The following DENND1B variants were observed in gnomAD, a reference collection of about 807,000 sequenced individuals.
The protein encoded by DENND1B is DENN domain-containing protein 1B.
DENND1B carries 59 observed loss-of-function variants against 90.1 expected under a neutral mutation model. The ratio of observed to expected loss-of-function variants is 0.65; its 90% confidence interval spans 0.53 to 0.81. DENND1B has a LOEUF of 0.81. Among genes scored for constraint, DENND1B ranks in the 40% least tolerant of loss-of-function variants. The pLI is 0.00. For missense variants in DENND1B, 862 were observed against 912.6 expected (o/e 0.94, Z 0.71); for synonymous variants, 337 against 324.6 (o/e 1.04, Z -0.41).
At chr1:197,526,712 A>T (rs966827521) in intron 20 of DENND1B, among the ~76,000 whole-genome samples, 1 of 152,150 alleles carries the variant, frequency 6.6e-6, no homozygotes, top group African/African-American at 2.4e-5. Context: ...ATCTTCCATT[A>T]TATGTTATTA....
chr1:197,530,078 G>A (rs543158182), intron 20 of DENND1B, among the ~76,000 whole-genome samples: 4 of 152,132 alleles, frequency 2.6e-5, no homozygotes, highest in Non-Finnish European at 5.9e-5. Context: ...TCAACAAAAC[G>A]AGCAACAGCC....
intron 12 of DENND1B, among the ~76,000 whole-genome samples, chr1:197,607,599 T>C (rs1676804660): frequency 6.6e-6 from 1 of 150,864 alleles, no homozygotes; most frequent in Admixed American, 6.6e-5. Flanking sequence ...GACTACAGCA[T>C]TAAACTATAA....
rs112671056 is a variant in DENND1B, at chr1:197,587,605, G to T, written c.1048-4352C>A. Among the ~76,000 whole-genome samples the T allele has an allele frequency of 4.3e-3, 658 of 152,152 alleles. 5 individuals carry two copies. The highest frequency in any genetic ancestry group is 0.015 in the South Asian group (71 of 4,820). ...CTTATCTGTGAACTCTGGAGGTCGG[G>T]GACTAAATTCTTGATCATCTTTGCA... is the stretch of plus-strand genomic sequence containing the variant. On this transcript the variant is annotated intron_variant, in intron 14 of 22. Coordinates refer to ENST00000620048, the MANE Select transcript of DENND1B (RefSeq NM_001195215.2).
In DENND1B at chr1:197,590,932, T is replaced by C. The variant is rs573389363; in HGVS notation, c.1047+4276A>G. Among the ~76,000 whole-genome samples the C allele has an allele frequency of 2.0e-5, 3 of 152,322 alleles. No individual in the cohort carries two copies. In the East Asian group the frequency reaches 5.8e-4, roughly 29 times the overall value. On this transcript the variant is annotated intron_variant, in intron 14 of 22. Transcript: ENST00000620048. ...AACATCATAAAAGTGAACTGTCTAA[T>C]ATACAACACTAAGCACTGCATTCCC... is the stretch of plus-strand genomic sequence containing the variant.
chr1:197,658,333 T>C lies in DENND1B; in HGVS notation c.333A>G (p.Leu111=), dbSNP rs1003236252. ...TAGCCAAGTAATCTGCAAGAGTATT[T>C]AGAAGCTTGTAATACACTTCAAACC... The part of the protein sequence containing the change: ...LPWFEVYYKL[L]NTLADYLAKE... The change falls in exon 6 of 23, where the codon CTA becomes CTG. Residue 111 remains leucine (L), a synonymous_variant. Coordinates refer to ENST00000620048, the MANE Select transcript of DENND1B (RefSeq NM_001195215.2). 6.2e-7 allele frequency: 1 copy of C among 1,610,582 alleles called. No individual in the cohort carries two copies. Among genetic ancestry groups the C allele is most frequent in the Non-Finnish European group, 8.5e-7 (1 of 1,177,916 alleles).
At chr1:197,580,669 A>T (rs960596727) in intron 15 of DENND1B, among the ~76,000 whole-genome samples, 1 of 152,078 alleles carries the variant, frequency 6.6e-6, no homozygotes, top group African/African-American at 2.4e-5. Context: ...TCTTAACAGC[A>T]TTTTTCCCTT....
intron 3 of DENND1B, among the ~76,000 whole-genome samples, chr1:197,697,957 C>G (rs531189136): frequency 2.0e-4 from 31 of 152,152 alleles, no homozygotes; most frequent in Non-Finnish European, 3.8e-4. Context: ...TAGACTCCCA[C>G]ACAATAATAG....
At chr1:197,774,243 T>C (rs1445470182) in intron 1 of DENND1B, among the ~76,000 whole-genome samples, 2 of 152,228 alleles carry the variant, frequency 1.3e-5, no homozygotes, top group Non-Finnish European at 2.9e-5. Context: ...CTTTAGAATT[T>C]CTCTTAGGTG....
chr1:197,546,348 G>T (rs1290595592), intron 17 of DENND1B, among the ~76,000 whole-genome samples: 1 of 152,082 alleles, frequency 6.6e-6, no homozygotes, highest in Non-Finnish European at 1.5e-5. Context: ...GGCAAATAAA[G>T]TCTCAGTCTG....
chr1:197,563,517 C>T (rs1389165055), intron 15 of DENND1B, among the ~76,000 whole-genome samples: 1 of 151,920 alleles, frequency 6.6e-6, no homozygotes, highest in Non-Finnish European at 1.5e-5. Flanking sequence ...TTGAGATCTG[C>T]TGCTCAGAAA....
rs142867014 is a variant in DENND1B at position 197,569,929 on chromosome 1, C to T, written c.1149+13223G>A. On this transcript the variant is annotated intron_variant, in intron 15 of 22. Transcript: ENST00000620048. ...GATTGCTAGGAGAGTAGATTTTAAA[C>T]GTTCTCGCCACAAAAAATGTTAATT... Among the ~76,000 whole-genome samples, 43 of 152,108 alleles carry T rather than the reference C, an allele frequency of 2.8e-4. 1 individual carries two copies. Among genetic ancestry groups the T allele is most frequent in the African/African-American group, 6.7e-4 (28 of 41,506 alleles).
At chr1:197,685,292 T>C (rs533284384) in intron 3 of DENND1B, among the ~76,000 whole-genome samples, 216 of 152,226 alleles carry the variant, frequency 1.4e-3, no homozygotes, top group South Asian at 5.0e-3. Context: ...AAGCTCAGGA[T>C]TGGGAATCTG....
At chr1:197,631,837 G>T (rs1452912133) in intron 10 of DENND1B, among the ~76,000 whole-genome samples, 1 of 151,868 alleles carries the variant, frequency 6.6e-6, no homozygotes, top group African/African-American at 2.4e-5. Flanking sequence ...ATGTATATGT[G>T]TGTATATGCA....
intron 15 of DENND1B, among the ~76,000 whole-genome samples, chr1:197,573,040 A>G (rs981716167): frequency 2.6e-5 from 4 of 151,252 alleles, no homozygotes; most frequent in African/African-American, 9.7e-5. Flanking sequence ...TTTTTTCTTT[A>G]TTAGTCTTGC....
intron 14 of DENND1B, among the ~76,000 whole-genome samples, chr1:197,591,403 A>G (rs1675191813): frequency 1.3e-5 from 2 of 152,214 alleles, no homozygotes; most frequent in Admixed American, 1.3e-4. Flanking sequence ...GAAGAAGTAT[A>G]TTCTTATACA....
intron 20 of DENND1B, among the ~76,000 whole-genome samples, chr1:197,525,076 T>C (rs1306579300): frequency 6.6e-6 from 1 of 152,148 alleles, no homozygotes; most frequent in Non-Finnish European, 1.5e-5. Context: ...TGTCTCTCAC[T>C]GAAGTGTGTT....
At chr1:197,638,543 A>G (rs1322329940) in intron 10 of DENND1B, among the ~76,000 whole-genome samples, 2 of 152,188 alleles carry the variant, frequency 1.3e-5, no homozygotes, top group African/African-American at 4.8e-5. Flanking sequence ...GTGAGGTACA[A>G]TTATAGAGGC....
At chr1:197,667,594 T>G (rs1007598308) in intron 5 of DENND1B, among the ~76,000 whole-genome samples, 29 of 152,120 alleles carry the variant, frequency 1.9e-4, no homozygotes, top group African/African-American at 7.0e-4. Context: ...CACGCCCAGC[T>G]AATTTTTGTA....
intron 16 of DENND1B, among the ~76,000 whole-genome samples, chr1:197,547,566 G>T (rs999240375): frequency 3.3e-5 from 5 of 152,066 alleles, no homozygotes; most frequent in African/African-American, 1.2e-4. Context: ...AAACATCTCT[G>T]ACTACTCAGA....
Sources: gnomAD v4.1 joint callset for allele counts (sites outside exome capture counted in the v4.1 genomes callset) on GRCh38, gnomAD v4.1.1 for gene constraint, MANE v1.5 for transcripts, NCBI Gene and HGNC (gene_info 2026-07-23, HGNC 2026-07-21) for gene names.